The following OPHN1 variants were observed in gnomAD, a reference collection of about 807,000 sequenced individuals.
The protein encoded by OPHN1 is oligophrenin-1.
OPHN1 carries 11 observed loss-of-function variants against 60.7 expected under a neutral mutation model. The ratio of observed to expected loss-of-function variants is 0.18; its 90% CI spans 0.11 to 0.30. The LOEUF is 0.30. OPHN1 is among the 10% of genes least tolerant of loss of function. The pLI is 1.00. For synonymous variants in OPHN1, 226 were observed against 222.6 expected, an observed-to-expected ratio of 1.02 and a Z score of -0.14; for missense variants, 449 against 611.0, an observed-to-expected ratio of 0.73 and a Z score of 2.80.
rs777253319 is a variant in OPHN1 at position 68,112,011 on chromosome X, T to C, written c.1421-52A>G. ...GGTTTGGCTTTCTGGGCAACTGGAT[T>C]GAGCAAAATTCTCACATATATATGC... On this transcript the variant is annotated intron_variant, in intron 17 of 24. Transcript: ENST00000355520. The C allele has an allele frequency of 1.4e-5, 11 of 774,234 alleles. No individual in the cohort carries two copies. The East Asian group carries it at 3.2e-4, about 22-fold the overall frequency. The allele number at this position is 774,234 out of a possible 1,213,427, so 63.8% of individuals were successfully genotyped here. A position where few individuals can be genotyped will look rare whatever the true frequency, so the allele number is the denominator to read the frequency against.
chrX:68,367,079 G>A (rs758030481), intron 2 of OPHN1, among the ~76,000 whole-genome samples: 1 of 110,904 alleles, frequency 9.0e-6, no homozygotes, highest in East Asian at 2.9e-4. Flanking sequence ...ACATGCAGAG[G>A]CCGGGGATGG....
intron 15 of OPHN1, among the ~76,000 whole-genome samples, chrX:68,141,329 T>C (rs898484508): frequency 1.8e-5 from 2 of 111,484 alleles, no homozygotes; most frequent in Non-Finnish European, 3.8e-5. Context: ...TGCCTTTAAT[T>C]ATAAGTCCCA....
At chrX:68,387,485 GTTTC>G (rs2078630754) in intron 2 of OPHN1, among the ~76,000 whole-genome samples, 1 of 111,142 alleles carries the variant, frequency 9.0e-6, no homozygotes, top group East Asian at 2.8e-4. Context: ...TCATCCTGTT[GTTTC>G]TTTATTGCAT....
chrX:68,207,124 T>C (rs1421928530), intron 9 of OPHN1, among the ~76,000 whole-genome samples: 1 of 108,395 alleles, frequency 9.2e-6, no homozygotes, highest in African/African-American at 3.4e-5. Flanking sequence ...AGTGTTGTTT[T>C]TGTTTTAATT....
chrX:68,376,930 CTTT>C (rs34240021), intron 2 of OPHN1, among the ~76,000 whole-genome samples: 34 of 90,106 alleles, frequency 3.8e-4, no homozygotes, highest in African/African-American at 8.3e-4. Flanking sequence ...CTCAAGTAAT[CTTT>C]TTTTTTTTTT....
At chrX:68,308,536 G>A (rs1226767751) in intron 2 of OPHN1, among the ~76,000 whole-genome samples, 3 of 109,224 alleles carry the variant, frequency 2.7e-5, no homozygotes, top group Admixed American at 2.0e-4. Flanking sequence ...AGGTTGCAGT[G>A]AGCTGAGACT....
intron 15 of OPHN1, among the ~76,000 whole-genome samples, chrX:68,161,194 T>C (rs1724083878): frequency 9.0e-6 from 1 of 110,598 alleles, no homozygotes; most frequent in Non-Finnish European, 1.9e-5. Context: ...CAAAAAGATA[T>C]AGAAAATCTG....
chrX:68,165,844 T>C (rs897217660), intron 15 of OPHN1, among the ~76,000 whole-genome samples: 4 of 112,460 alleles, frequency 3.6e-5, no homozygotes, highest in African/African-American at 1.3e-4. Context: ...ATGAAGATGG[T>C]GTAAACCAGG....
chrX:68,283,269 T>C (rs1269847714), intron 3 of OPHN1, 152 bp from the exon 4 acceptor site: 2 of 460,243 alleles, frequency 4.3e-6, no homozygotes, highest in Non-Finnish European at 7.7e-6. Context: ...AAGCAGGTGT[T>C]CAGCACCTGT....
chrX:68,195,197 C>A (rs1179216294), intron 12 of OPHN1, among the ~76,000 whole-genome samples: 1 of 111,564 alleles, frequency 9.0e-6, no homozygotes, highest in Non-Finnish European at 1.9e-5. Flanking sequence ...TATGATAAAG[C>A]AAGAGACCAG....
intron 6 of OPHN1, among the ~76,000 whole-genome samples, chrX:68,231,498 A>T (rs949066053): frequency 8.9e-6 from 1 of 111,780 alleles, no homozygotes; most frequent in Admixed American, 9.6e-5. Context: ...CCTGCACACA[A>T]TTTTTTATCG....
intron 15 of OPHN1, among the ~76,000 whole-genome samples, chrX:68,152,717 A>G (rs2077290260): frequency 9.2e-6 from 1 of 109,227 alleles, no homozygotes; most frequent in Non-Finnish European, 1.9e-5. Context: ...TGCTGGGATT[A>G]CAGGTGTTAG....
At chrX:68,268,179 C>A (rs2077943389) in intron 5 of OPHN1, among the ~76,000 whole-genome samples, 1 of 111,557 alleles carries the variant, frequency 9.0e-6, no homozygotes, top group South Asian at 3.8e-4. Context: ...GCAGCTCGTA[C>A]CATTCCTTCT....
At chrX:68,123,113 G>T (rs1365792809) in intron 15 of OPHN1, among the ~76,000 whole-genome samples, 1 of 111,506 alleles carries the variant, frequency 9.0e-6, no homozygotes, top group African/African-American at 3.3e-5. Flanking sequence ...ATAAAAAGGA[G>T]CTCGAATATG....
chrX:68,389,156 T>C (rs982847733), intron 2 of OPHN1, among the ~76,000 whole-genome samples: 7 of 105,708 alleles, frequency 6.6e-5, no homozygotes, highest in Non-Finnish European at 1.4e-4. Flanking sequence ...AGGGTCTCGC[T>C]TCATTGACCA....
chrX:68,178,378 G>A (rs968752404), intron 15 of OPHN1, among the ~76,000 whole-genome samples: 2 of 111,162 alleles, frequency 1.8e-5, no homozygotes, highest in African/African-American at 6.6e-5. Context: ...TTTATCATAC[G>A]CTAAATTGCC....
At chrX:68,173,592 C>G (rs2077400628) in intron 15 of OPHN1, among the ~76,000 whole-genome samples, 2 of 110,998 alleles carry the variant, frequency 1.8e-5, no homozygotes, top group Admixed American at 1.9e-4. Context: ...CATCCACAAC[C>G]AAATCCCTTG....
At chrX:68,072,739 T>C (rs1474641656) in intron 20 of OPHN1, among the ~76,000 whole-genome samples, 1 of 111,984 alleles carries the variant, frequency 8.9e-6, no homozygotes, top group African/African-American at 3.2e-5. Flanking sequence ...CTCCATTTCT[T>C]CTGTGAGGGC....
chrX:68,319,457 T>C (rs1265690204), intron 2 of OPHN1, among the ~76,000 whole-genome samples: 1 of 111,016 alleles, frequency 9.0e-6, no homozygotes, highest in Non-Finnish European at 1.9e-5. Flanking sequence ...AAAAAATGAC[T>C]GGGCATGGTG....
Sources: gnomAD v4.1 joint callset for allele counts (sites outside exome capture counted in the v4.1 genomes callset) on GRCh38, gnomAD v4.1.1 for gene constraint, MANE v1.5 for transcripts, NCBI Gene and HGNC (gene_info 2026-07-23, HGNC 2026-07-21) for gene names.